The following RHOT2 variants were observed in gnomAD, a reference collection of about 807,000 sequenced individuals.
RHOT2 encodes the protein ras homolog family member T2.
RHOT2 carries 90 observed loss-of-function variants against 81.6 expected under a neutral mutation model. The observed-to-expected ratio is 1.10, with a 90% CI of 0.93 to 1.31. RHOT2 has a LOEUF of 1.31. Among genes scored for constraint, RHOT2 ranks in the 40% most tolerant of loss-of-function variants. The pLI, the probability that RHOT2 is intolerant of heterozygous loss-of-function variation, is 0.00. For missense variants in RHOT2, 1,014 were observed against 841.9 expected (o/e 1.20, Z -2.53); for synonymous variants, 512 against 370.9 (o/e 1.38, Z -4.37).
At position 668,642 on chromosome 16, in the gene RHOT2, CTT is replaced by C. The variant is rs756021325; in HGVS notation, c.179-12_179-11del. 45 of 1,608,208 alleles carry C rather than the reference CTT, an allele frequency of 2.8e-5. No individual in the cohort carries two copies. Among genetic ancestry groups the C allele is most frequent in the Non-Finnish European group, 3.6e-5 (43 of 1,178,196 alleles). ...GCCTGCTGGGTCCGCAGTGGAGTCT[CTT>C]TGTCCCCCTAGAAGCCGAGCAGACG... On this transcript the variant is annotated splice_polypyrimidine_tract_variant and intron_variant, in intron 3 of 18. Transcript: ENST00000315082.
Position 672,281 on chromosome 16 carries a change from A to C in RHOT2, c.1223A>C (p.Glu408Ala). The C allele has an allele frequency of 6.2e-7, 1 of 1,612,100 alleles. No individual in the cohort carries two copies. The highest frequency in any genetic ancestry group is 8.5e-7 in the Non-Finnish European group (1 of 1,179,510). Residue 408 changes from glutamate (E) to alanine (A), a missense_variant, in exon 15 of 19, where the codon GAG (glutamate) becomes GCG (alanine). By Grantham distance (107) the Glu-to-Ala change is moderately radical. Coordinates refer to ENST00000315082, the MANE Select transcript of RHOT2 (RefSeq NM_138769.3). ...TVTREKRLDQ[E>A]KGQTQRSVLL... ...ACTCGTGAGAAGAGGCTGGACCAGG[A>C]GAAGGGACAGACGCAGCGGAGCGTC...
chr16:672,469 C>T lies in RHOT2; in HGVS notation c.1327-20C>T, dbSNP rs1428979548. The T allele has an allele frequency of 6.2e-7, 1 of 1,612,150 alleles. No individual in the cohort carries two copies. The highest frequency in any genetic ancestry group is 8.5e-7 in the Non-Finnish European group (1 of 1,179,766). The stretch of plus-strand genomic sequence containing the variant: ...GGGGGGCACTGCAGCCAGCGAGTGT[C>T]AGGACTTCACCTCCCTCAGCACCAG... On this transcript the variant is annotated intron_variant, in intron 15 of 18. Coordinates refer to ENST00000315082, the MANE Select transcript of RHOT2 (RefSeq NM_138769.3).
At position 673,007 on chromosome 16, in the gene RHOT2, G is replaced by A. The variant is rs751711232; in HGVS notation, c.1607G>A (p.Gly536Asp). ...CTGCCCGAAGGTGTCGCGGTGTCTG[G>A]CCCATCACCGGCCGAGTTTTGCCGC... ...ADLPEGVAVS[G>D]PSPAEFCRKH... The change falls in exon 18 of 19, where the codon GGC (glycine) becomes GAC (aspartate). Residue 536 changes from glycine to aspartate, a missense_variant. Gly to Asp is a moderately conservative substitution (Grantham distance 94). Coordinates refer to ENST00000315082, the MANE Select transcript of RHOT2 (RefSeq NM_138769.3). The A allele has an allele frequency of 1.9e-6, 3 of 1,612,474 alleles. No homozygotes were observed. In the African/African-American group the frequency reaches 4.0e-5, roughly 22 times the overall value.
rs1227407211 is a variant in RHOT2 at position 672,103 on chromosome 16, G to A, written c.1117G>A (p.Val373Ile). 3.7e-6 allele frequency: 6 copies of A among 1,610,058 alleles called. No individual in the cohort carries two copies. The highest frequency in any genetic ancestry group is 2.7e-5 in the African/African-American group (2 of 74,618). The change falls in exon 14 of 19, where the codon GTC becomes ATC. Residue 373 changes from valine to isoleucine, a missense_variant. By Grantham distance (29) the Val-to-Ile change is conservative. Transcript: ENST00000315082. ...CCCCAGCCTGGTGACCTACCTGGAC[G>A]TCCGGAGCTGCCTTGGACACCTAGG... The part of the protein sequence containing the change: ...CQWTLVTYLD[V>I]RSCLGHLGYL...
At chr16:668,927 C>T (rs573167214) in intron 4 of RHOT2, 2 of 535,720 alleles carry the variant, frequency 3.7e-6, no homozygotes, top group Admixed American at 3.9e-5. Flanking sequence ...GCGGGCTCTC[C>T]CTCCCTCCTG....
chr16:669,430 C>A, intron 4 of RHOT2, 123 bp from the exon 5 acceptor site: 1 of 931,442 alleles, frequency 1.1e-6, no homozygotes, highest in East Asian at 2.6e-5. Context: ...GGCCTCAGAG[C>A]TGCACCCATG....
intron 14 of RHOT2, 34 bp from the exon 15 acceptor site, chr16:672,220 T>C: frequency 6.2e-7 from 1 of 1,612,076 alleles, no homozygotes; most frequent in Non-Finnish European, 8.5e-7. Flanking sequence ...CCCAGTATCC[T>C]GGCAGCTGCC....
rs753430450 is a variant in RHOT2, at chr16:670,267, G to C, written c.348G>C (p.Val116=). 1 of 1,612,674 alleles carries C rather than the reference G, an allele frequency of 6.2e-7. No individual in the cohort carries two copies. Among genetic ancestry groups the C allele is most frequent in the South Asian group, 1.1e-5 (1 of 91,072 alleles). Reference sequence around the variant, plus strand: ...AACCCAGGGTGCCCATCATCCTAGTGGGCAACAAGTCAGACCTGCGGTCGG... The same window carrying C: ...AACCCAGGGTGCCCATCATCCTAGTCGGCAACAAGTCAGACCTGCGGTCGG... ...TQGPRVPIIL[V]GNKSDLRSGS... The change falls in exon 7 of 19, where the codon GTG becomes GTC. Residue 116 remains valine, a synonymous_variant. Coordinates refer to ENST00000315082, the MANE Select transcript of RHOT2 (RefSeq NM_138769.3).
At chr16:668,293 C>A in intron 1 of RHOT2, 57 bp downstream of exon 1, 2 of 1,297,052 alleles carry the variant, frequency 1.5e-6, no homozygotes, top group Non-Finnish European at 2.0e-6. Context: ...GGGTGAGGGT[C>A]TCGGGGGTCG....
rs1029592681 is a variant in RHOT2, at chr16:673,731, T to C, written c.*125T>C. On this transcript the variant is annotated 3_prime_UTR_variant, in exon 19 of 19. Coordinates refer to ENST00000315082, the MANE Select transcript of RHOT2 (RefSeq NM_138769.3). ...CGGGAACGCCTTTGCGCCGGGACTT[T>C]TTGTTTCTGAAGGCAGTCGATCTGC... The C allele has an allele frequency of 1.1e-5, 14 of 1,260,418 alleles. No homozygotes were observed. The highest frequency in any genetic ancestry group is 2.5e-5 in the East Asian group (1 of 40,396). 78.1% of individuals were successfully genotyped at this position (1,260,418 alleles called of 1,614,324 possible).
chr16:672,480 C>T lies in RHOT2; in HGVS notation c.1327-9C>T. 1 of 1,612,460 alleles carries T rather than the reference C, an allele frequency of 6.2e-7. No homozygotes were observed. Among genetic ancestry groups the T allele is most frequent in the South Asian group, 1.1e-5 (1 of 91,082 alleles). ...CAGCCAGCGAGTGTCAGGACTTCAC[C>T]TCCCTCAGCACCAGGACACGAGGGA... On this transcript the variant is annotated splice_polypyrimidine_tract_variant and intron_variant, in intron 15 of 18. Transcript: ENST00000315082.
chr16:672,903 A>AC, intron 17 of RHOT2, 25 bp from the exon 18 acceptor site: 1 of 1,612,552 alleles, frequency 6.2e-7, no homozygotes, highest in Non-Finnish European at 8.5e-7. Context: ...CCAGGACTGT[A>AC]CCTCATACCA....
chr16:669,611 G>C lies in RHOT2; in HGVS notation c.276+5G>C. ...GAGGAGGCCACCATTGAGAAGGTGA[G>C]CCCTCAGTGCAGACCCCAACAGCAG... On this transcript the variant is annotated splice_donor_5th_base_variant and intron_variant, in intron 5 of 18. Transcript: ENST00000315082. 1 of 1,611,422 alleles carries C rather than the reference G, an allele frequency of 6.2e-7. No homozygotes were observed. The highest frequency in any genetic ancestry group is 8.5e-7 in the Non-Finnish European group (1 of 1,179,808).
chr16:672,213 A>C (rs2039079027), intron 14 of RHOT2, 32 bp downstream of exon 14: 1 of 1,612,166 alleles, frequency 6.2e-7, no homozygotes, highest in South Asian at 1.1e-5. Flanking sequence ...GCCTGGGCCC[A>C]GTATCCTGGC....
rs755509823 is a variant in RHOT2, at chr16:673,166, G to C, written c.1730+36G>C. 16 of 1,597,128 alleles carry C rather than the reference G, an allele frequency of 1.0e-5. No individual in the cohort carries two copies. The African/African-American group carries it at 1.1e-4, about 11-fold the overall frequency. ...AGTAGCGCAGCCCTGGGGACTAGCA[G>C]TGTCTGTCATCCGAGCAGTGGGCAG... On this transcript the variant is annotated intron_variant, in intron 18 of 18. Coordinates refer to ENST00000315082, the MANE Select transcript of RHOT2 (RefSeq NM_138769.3).
intron 5 of RHOT2, chr16:669,918 G>T: frequency 1.6e-6 from 1 of 613,442 alleles, no homozygotes; most frequent in Non-Finnish European, 2.8e-6. Context: ...GTGACTTGGG[G>T]GTGTTTGGGA....
rs200722200 is a variant in RHOT2 at position 670,737 on chromosome 16, C to T, written c.603C>T (p.Asp201=). Residue 201 remains aspartate (D), a synonymous_variant, in exon 9 of 19, where the codon GAC becomes GAT. Transcript: ENST00000315082. ...RIFRLSDQDL[D]QALSDEELNA... ...TCAGGCTCTCAGATCAGGACCTGGA[C>T]CAGGCGCTCAGTGACGAAGAGCTCA... 5.6e-6 allele frequency: 9 copies of T among 1,612,452 alleles called. No homozygotes were observed. The highest frequency in any genetic ancestry group is 2.7e-5 in the African/African-American group (2 of 75,066).
chr16:671,515 G>A (rs1364915989), intron 11 of RHOT2, among the ~76,000 whole-genome samples, 182 bp from the exon 12 acceptor site: 5 of 152,170 alleles, frequency 3.3e-5, no homozygotes, highest in South Asian at 2.1e-4. Context: ...GGCCTCCCAC[G>A]TGCTGGAGCC....
Position 673,575 on chromosome 16 carries a change from C to A in RHOT2, c.1826C>A (p.Ser609Ter). The A allele has an allele frequency of 6.2e-7, 1 of 1,611,920 alleles. No homozygotes were observed. The highest frequency in any genetic ancestry group is 8.5e-7 in the Non-Finnish European group (1 of 1,179,862). The change falls in exon 19 of 19, where the codon TCA becomes TAA. Residue 609 changes from serine to a stop codon, truncating the protein, a stop_gained. Coordinates refer to ENST00000315082, the MANE Select transcript of RHOT2 (RefSeq NM_138769.3). LOFTEE classifies it high-confidence loss of function. Reference protein sequence around the residue: ...GAAVAAVLSFSLYRVLVKSQ With the variant: ...GAAVAAVLSF ...GCCGTGGCCGCAGTCCTCAGCTTCT[C>A]ACTCTACAGGGTCCTGGTGAAGAGC...
Sources: allele counts gnomAD v4.1 joint callset (sites outside exome capture counted in the v4.1 genomes callset), GRCh38; gene constraint gnomAD v4.1.1; transcripts MANE v1.5; gene names NCBI Gene and HGNC (gene_info 2026-07-23, HGNC 2026-07-21).